Variants in WWOX observed in about 807,000 individuals in gnomAD.
WWOX encodes the protein WW domain-containing oxidoreductase.
In WWOX, 69 loss-of-function variants were observed where a neutral mutation model predicts 46.2. That is an observed-to-expected ratio of 1.49 (90% CI 1.23 to 1.82). The LOEUF (loss-of-function observed/expected upper bound fraction) is 1.82. Ranked by LOEUF, WWOX falls within the 40% of genes most tolerant of loss-of-function variation. The pLI is 0.00. For missense variants in WWOX, 919 were observed against 542.6 expected (o/e 1.69, Z -6.89); for synonymous variants, 359 against 202.6 (o/e 1.77, Z -6.56).
At chr16:78,534,812 C>G (rs759909105) in intron 8 of WWOX, among the ~76,000 whole-genome samples, 9 of 151,830 alleles carry the variant, frequency 5.9e-5, no homozygotes, top group Non-Finnish European at 1.2e-4. Flanking sequence ...CGGGTTCAAG[C>G]GATTCCACTG....
intron 8 of WWOX, chr16:78,535,265 G>C (rs1328305688): frequency 2.0e-5 from 3 of 152,230 alleles, no homozygotes; most frequent in Non-Finnish European, 2.9e-5. Context: ...TGAATGATCA[G>C]TGATGGGGAC....
At chr16:79,009,311 C>G (rs965332865) in intron 8 of WWOX, among the ~76,000 whole-genome samples, 2 of 152,172 alleles carry the variant, frequency 1.3e-5, no homozygotes, top group Non-Finnish European at 2.9e-5. Flanking sequence ...TTTCTGGAAT[C>G]TTTGTGGCTG....
intron 8 of WWOX, among the ~76,000 whole-genome samples, chr16:78,805,321 C>G (rs541720461): frequency 3.3e-5 from 5 of 152,144 alleles, no homozygotes; most frequent in African/African-American, 1.2e-4. Flanking sequence ...GGCGCCATCT[C>G]AGGATCTCGG....
At chr16:79,051,052 G>A (rs2048157325) in intron 8 of WWOX, among the ~76,000 whole-genome samples, 1 of 152,210 alleles carries the variant, frequency 6.6e-6, no homozygotes, top group Non-Finnish European at 1.5e-5. Flanking sequence ...TTATTCCCAA[G>A]GAAGCTGTAG....
At chr16:78,612,518 C>T (rs1285061683) in intron 8 of WWOX, among the ~76,000 whole-genome samples, 1 of 152,224 alleles carries the variant, frequency 6.6e-6, no homozygotes, top group Admixed American at 6.5e-5. Context: ...AATCTTTTGC[C>T]TAGGCCATAG....
intron 3 of WWOX, among the ~76,000 whole-genome samples, chr16:78,113,413 C>G (rs988067348): frequency 2.0e-5 from 3 of 152,344 alleles, no homozygotes; most frequent in East Asian, 3.9e-4. Flanking sequence ...AGTGCTAAAG[C>G]AGCTATACAC....
chr16:78,197,323 T>TA (rs771821544), intron 5 of WWOX, among the ~76,000 whole-genome samples: 44 of 152,348 alleles, frequency 2.9e-4, no homozygotes, highest in Non-Finnish European at 5.9e-4. Flanking sequence ...CAAGCTTTAA[T>TA]ATGAGCACAC....
chr16:78,832,490 T>G (rs568846244), intron 8 of WWOX, among the ~76,000 whole-genome samples: 1 of 152,280 alleles, frequency 6.6e-6, no homozygotes, highest in South Asian at 2.1e-4. Flanking sequence ...GGGAGGTCTA[T>G]CAAAGAACTT....
At chr16:79,131,345 A>AG (rs1399550867) in intron 8 of WWOX, among the ~76,000 whole-genome samples, 1 of 152,150 alleles carries the variant, frequency 6.6e-6, no homozygotes, top group African/African-American at 2.4e-5. Context: ...TTTGCACATG[A>AG]GGACACAAAG....
chr16:78,443,018 C>A (rs892503444), intron 8 of WWOX, among the ~76,000 whole-genome samples: 1 of 151,696 alleles, frequency 6.6e-6, no homozygotes, highest in Non-Finnish European at 1.5e-5. Flanking sequence ...TGCCTGTAGT[C>A]CCAGCTACTC....
chr16:78,143,752 G>GTTTTTTTTTTTTTTTTTTTTTTTT (rs200125720), intron 4 of WWOX, among the ~76,000 whole-genome samples: 2 of 120,240 alleles, frequency 1.7e-5, no homozygotes, highest in Non-Finnish European at 3.4e-5. Flanking sequence ...GAATTGGTAT[G>GTTTTTTTTTTTTTTTTTTTTTTTT]TTTTTTTTTT....
intron 8 of WWOX, among the ~76,000 whole-genome samples, chr16:78,713,973 A>C (rs1324151902): frequency 6.6e-6 from 1 of 152,074 alleles, no homozygotes; most frequent in East Asian, 1.9e-4. Context: ...ATTGGCTACG[A>C]GGGCTTGTGT....
chr16:78,904,392 C>G (rs1272365993), intron 8 of WWOX, among the ~76,000 whole-genome samples: 3 of 152,024 alleles, frequency 2.0e-5, no homozygotes, highest in Admixed American at 6.6e-5. Flanking sequence ...GAGCACACCA[C>G]TGCGCCCAGC....
chr16:79,108,770 G>A (rs552851843), intron 8 of WWOX, among the ~76,000 whole-genome samples: 3 of 152,082 alleles, frequency 2.0e-5, no homozygotes, highest in African/African-American at 4.8e-5. Context: ...GTGTAGTGGC[G>A]TGTGCCTGTA....
At chr16:78,436,110 T>C (rs2083329963) in intron 8 of WWOX, among the ~76,000 whole-genome samples, 1 of 152,164 alleles carries the variant, frequency 6.6e-6, no homozygotes, top group Non-Finnish European at 1.5e-5. Context: ...GCCTTTCGCA[T>C]GGGAGGTATG....
chr16:78,153,198 G>A (rs1040365903), intron 4 of WWOX, among the ~76,000 whole-genome samples: 2 of 152,170 alleles, frequency 1.3e-5, no homozygotes, highest in African/African-American at 2.4e-5. Context: ...AGAAACAGAG[G>A]TATGGATTAG....
At chr16:79,029,612 G>A (rs766716739) in intron 8 of WWOX, among the ~76,000 whole-genome samples, 10 of 152,108 alleles carry the variant, frequency 6.6e-5, no homozygotes, top group Admixed American at 1.3e-4. Flanking sequence ...AAGAAAGTTA[G>A]GGTAATATAT....
At chr16:78,895,920 A>G (rs2044691206) in intron 8 of WWOX, 1 of 152,180 alleles carries the variant, frequency 6.6e-6, no homozygotes, top group African/African-American at 2.4e-5. Context: ...TTCTCTTTGG[A>G]AAACAATCTC....
chr16:78,874,208 A>T (rs1235570439), intron 8 of WWOX, among the ~76,000 whole-genome samples: 1 of 148,180 alleles, frequency 6.7e-6, no homozygotes, highest in Non-Finnish European at 1.5e-5. Context: ...GTGAGCTGAG[A>T]TGGCGCCGCT....
Sources: allele counts gnomAD v4.1 joint callset (sites outside exome capture counted in the v4.1 genomes callset), GRCh38; gene constraint gnomAD v4.1.1; transcripts MANE v1.5; gene names NCBI Gene and HGNC (gene_info 2026-07-23, HGNC 2026-07-21).